Variants in NUFIP1 observed in about 807,000 individuals in gnomAD.
NUFIP1 encodes nuclear FMR1 interacting protein 1, also known as FMR1-interacting protein NUFIP1.
Under a neutral mutation model 56.2 loss-of-function variants are expected in NUFIP1, and 38 were observed. The observed-to-expected ratio is 0.68, with a 90% CI of 0.52 to 0.89. The LOEUF (loss-of-function observed/expected upper bound fraction) is 0.89, where lower values mean the gene tolerates loss of function less well. NUFIP1 is among the 40% of genes least tolerant of loss of function. NUFIP1 has a pLI of 0.00. For synonymous variants in NUFIP1, 215 were observed against 212.4 expected (o/e 1.01, Z -0.10); for missense variants, 567 against 605.8 (o/e 0.94, Z 0.67).
chr13:44,985,613 T>TGTGATCA (rs1288291681), intron 1 of NUFIP1, among the ~76,000 whole-genome samples: 1 of 152,258 alleles, frequency 6.6e-6, no homozygotes, highest in Non-Finnish European at 1.5e-5. Flanking sequence ...TATACTGATC[T>TGTGATCA]GTGATCAGTG....
At chr13:44,943,376 A>ACC (rs921291471) in intron 9 of NUFIP1, 66 bp downstream of exon 9, 211 of 1,301,732 alleles carry the variant, frequency 1.6e-4, no homozygotes, top group Non-Finnish European at 1.9e-4. Flanking sequence ...ACACACACAC[A>ACC]CCCCAGTGGC....
At chr13:44,968,030 T>C (rs186744877) in intron 5 of NUFIP1, among the ~76,000 whole-genome samples, 67 of 151,882 alleles carry the variant, frequency 4.4e-4, no homozygotes, top group African/African-American at 1.5e-3. Flanking sequence ...GGGTGGGCCA[T>C]ACTGAAAGAC....
At chr13:44,961,990 T>C (rs912296495) in intron 6 of NUFIP1, among the ~76,000 whole-genome samples, 11 of 152,052 alleles carry the variant, frequency 7.2e-5, no homozygotes, top group Non-Finnish European at 1.3e-4. Flanking sequence ...TGACAATCAT[T>C]TGAAAAGAAA....
intron 2 of NUFIP1, 24 bp from the exon 3 acceptor site, chr13:44,980,844 T>C (rs367568568): frequency 1.3e-5 from 19 of 1,484,532 alleles, no homozygotes; most frequent in Non-Finnish European, 1.6e-5. Flanking sequence ...CAGAGAGGAA[T>C]TAGGCTTTTG....
chr13:44,949,185 T>G (rs1344423480), intron 8 of NUFIP1, among the ~76,000 whole-genome samples: 3 of 149,264 alleles, frequency 2.0e-5, no homozygotes, highest in Non-Finnish European at 4.4e-5. Flanking sequence ...CTTCCTATTC[T>G]TTCATTATAT....
chr13:44,959,707 G>A (rs529455154), intron 6 of NUFIP1, 133 bp from the exon 7 acceptor site: 21 of 675,318 alleles, frequency 3.1e-5, no homozygotes, highest in East Asian at 5.5e-5. Context: ...TTAAAGAGAC[G>A]AAAATAAAAG....
chr13:44,963,808 A>G (rs1871504949), intron 6 of NUFIP1, among the ~76,000 whole-genome samples: 1 of 152,176 alleles, frequency 6.6e-6, no homozygotes, highest in South Asian at 2.1e-4. Context: ...TTGTGTTTCA[A>G]AATTTTCACT....
rs61742037 is a variant in NUFIP1, at chr13:44,943,622, A to G, written c.1191T>C (p.Asp397=). The G allele has an allele frequency of 1.2e-6, 2 of 1,614,002 alleles. No individual in the cohort carries two copies. The highest frequency in any genetic ancestry group is 1.7e-5 in the Admixed American group (1 of 59,992). The part of the protein sequence containing the change: ...ADVLAENQVL[D]SSAPKSPSQD... ...GACTTGGACTCTTAGGAGCACTGCT[A>G]TCAAGAACCTGGTTTTCTGCCAAAA... Residue 397 remains aspartate, a synonymous_variant, in exon 9 of 10, where the codon GAT becomes GAC. Transcript: ENST00000379161.
At chr13:44,980,521 T>C (rs1872149691) in intron 3 of NUFIP1, among the ~76,000 whole-genome samples, 1 of 152,218 alleles carries the variant, frequency 6.6e-6, no homozygotes, top group Non-Finnish European at 1.5e-5. Flanking sequence ...CCTTCTTTGC[T>C]ACCATCTTAC....
chr13:44,952,346 A>C (rs1488251074), intron 7 of NUFIP1, among the ~76,000 whole-genome samples: 1 of 152,136 alleles, frequency 6.6e-6, no homozygotes, highest in East Asian at 1.9e-4. Context: ...GCTGGTCTCG[A>C]ACTCCTTACC....
In NUFIP1 at chr13:44,949,849, A is replaced by G; in HGVS notation, c.1022-11T>C. 1 of 1,327,690 alleles carries G rather than the reference A, an allele frequency of 7.5e-7. No individual in the cohort carries two copies. The highest frequency in any genetic ancestry group is 1.2e-5 in the South Asian group (1 of 84,452). The allele number at this position is 1,327,690 out of a possible 1,614,324, so 82.2% of individuals were successfully genotyped here. ...CCTCCTTATCAGACTCTGAAGGGAAAAGAAGTCAGATTCAAAACATCTACC... is the reference window on the plus strand; with the variant it reads ...CCTCCTTATCAGACTCTGAAGGGAAGAGAAGTCAGATTCAAAACATCTACC... On this transcript the variant is annotated splice_polypyrimidine_tract_variant and intron_variant, in intron 7 of 9. Coordinates refer to ENST00000379161, the MANE Select transcript of NUFIP1 (RefSeq NM_012345.3).
At chr13:44,944,247 A>G (rs998055827) in intron 8 of NUFIP1, among the ~76,000 whole-genome samples, 1 of 152,180 alleles carries the variant, frequency 6.6e-6, no homozygotes, top group Non-Finnish European at 1.5e-5. Context: ...AGTAAAACAA[A>G]GAAGTCAAAA....
chr13:44,943,733 T>G, intron 8 of NUFIP1, 59 bp from the exon 9 acceptor site: 1 of 1,298,080 alleles, frequency 7.7e-7, no homozygotes, highest in Non-Finnish European at 1.1e-6. Context: ...CAGGTAGACC[T>G]TTCAAAAGCA....
chr13:44,989,420 C>T lies in NUFIP1; in HGVS notation c.17G>A (p.Ser6Asn). ...CCACCCGATAGGAGTCTCGAAATCA[C>T]TAGTCGGCTCAGCCATACCACTGGC... MAEPT[S>N]DFETPIGWHA... Residue 6 changes from serine (S) to asparagine (N), a missense_variant, in exon 1 of 10, where the codon AGT (serine) becomes AAT (asparagine). Transcript: ENST00000379161. The T allele has an allele frequency of 6.2e-7, 1 of 1,613,536 alleles. No homozygotes were observed. The highest frequency in any genetic ancestry group is 8.5e-7 in the Non-Finnish European group (1 of 1,179,824).
In NUFIP1 at chr13:44,941,076, T is replaced by C; in HGVS notation, c.*130A>G. 2 of 559,052 alleles carry C rather than the reference T, an allele frequency of 3.6e-6. No individual in the cohort carries two copies. The highest frequency in any genetic ancestry group is 3.2e-6 in the Non-Finnish European group (1 of 309,674). 34.6% of individuals were successfully genotyped at this position (559,052 alleles called of 1,614,324 possible). A position where few individuals can be genotyped will look rare whatever the true frequency, so the allele number is the denominator to read the frequency against. On this transcript the variant is annotated 3_prime_UTR_variant, in exon 10 of 10. Transcript: ENST00000379161. ...AAAGGAAAGACTTAAAATTCCAACA[T>C]ACATCCTACGAGGCTTACAATTTAA...
At chr13:44,979,815 A>G in intron 4 of NUFIP1, 75 bp downstream of exon 4, 1 of 1,077,748 alleles carries the variant, frequency 9.3e-7, no homozygotes, top group Non-Finnish European at 1.4e-6. Flanking sequence ...TAGGTATATA[A>G]ATAAACAGTT....
In NUFIP1 at chr13:44,949,794, C is replaced by T; in HGVS notation, c.1066G>A (p.Glu356Lys). ...AGTGAGCATAGGGCTGGTGTCACTT[C>T]CTTGGGTATCACAGAATGTTGTGGT... ...EKPQHSVIPK[E>K]VTPALCSLMS... The change falls in exon 8 of 10, where the codon GAA becomes AAA. Residue 356 changes from glutamate (E) to lysine (K), a missense_variant. Physicochemically the swap from Glu to Lys is moderately conservative, Grantham distance 56. Coordinates refer to ENST00000379161, the MANE Select transcript of NUFIP1 (RefSeq NM_012345.3). 1 of 1,614,176 alleles carries T rather than the reference C, an allele frequency of 6.2e-7. No homozygotes were observed. The highest frequency in any genetic ancestry group is 8.5e-7 in the Non-Finnish European group (1 of 1,180,020).
chr13:44,979,183 T>C lies in NUFIP1; in HGVS notation c.734+7A>G, dbSNP rs1373405199. ...CAGTTATTTCACCAGTTCTGAACTC[T>C]ACTCACTTCCTTCTTTCTTCCCTCC... On this transcript the variant is annotated splice_region_variant and intron_variant, in intron 5 of 9. Transcript: ENST00000379161. 2 of 1,606,676 alleles carry C rather than the reference T, an allele frequency of 1.2e-6. No homozygotes were observed. The highest frequency in any genetic ancestry group is 8.5e-7 in the Non-Finnish European group (1 of 1,174,588).
intron 7 of NUFIP1, among the ~76,000 whole-genome samples, chr13:44,950,492 T>C (rs1871053810): frequency 6.6e-6 from 1 of 152,082 alleles, no homozygotes; most frequent in Non-Finnish European, 1.5e-5. Flanking sequence ...ATCACAGGCG[T>C]GTGCCACTAT....
Sources: allele counts gnomAD v4.1 joint callset (sites outside exome capture counted in the v4.1 genomes callset), GRCh38; gene constraint gnomAD v4.1.1; transcripts MANE v1.5; gene names NCBI Gene and HGNC (gene_info 2026-07-23, HGNC 2026-07-21).